The following MAP2K5 variants were observed in gnomAD, a reference collection of about 807,000 sequenced individuals.
MAP2K5 encodes dual specificity mitogen-activated protein kinase kinase 5.
MAP2K5 carries 49 observed loss-of-function variants against 83.1 expected under a neutral mutation model. The ratio of observed to expected loss-of-function variants is 0.59; its 90% CI spans 0.47 to 0.75. The LOEUF is 0.75. Ranked by LOEUF, MAP2K5 falls within the 30% of genes least tolerant of loss-of-function variation. The pLI is 0.00. For synonymous variants in MAP2K5, 202 were observed against 191.8 expected (o/e 1.05, Z -0.44); for missense variants, 457 against 557.5 (o/e 0.82, Z 1.82).
intron 21 of MAP2K5, among the ~76,000 whole-genome samples, chr15:67,804,473 G>A (rs1038674985): frequency 1.2e-4 from 19 of 152,210 alleles, no homozygotes; most frequent in Non-Finnish European, 1.5e-4. Flanking sequence ...AGGAGAGGCC[G>A]GCATCTCCAC....
rs1218134631 is a variant in MAP2K5, at chr15:67,750,847, C to T, written c.1134+2246C>T. ...TACTGCTTGGGAGTGGGATTTACCCCGTTGTGAAGTGGGTATCTGTTGCTA... is the reference window on the plus strand; with the variant it reads ...TACTGCTTGGGAGTGGGATTTACCCTGTTGTGAAGTGGGTATCTGTTGCTA... On this transcript the variant is annotated intron_variant, in intron 19 of 21. Transcript: ENST00000178640. The surrounding 1 kb of genome is among the most constrained non-coding windows in gnomAD (Gnocchi z 4.2). Among the ~76,000 whole-genome samples, 1 of 151,840 alleles carries T rather than the reference C, an allele frequency of 6.6e-6. No homozygotes were observed. The highest frequency in any genetic ancestry group is 1.5e-5 in the Non-Finnish European group (1 of 67,968).
intron 19 of MAP2K5, among the ~76,000 whole-genome samples, chr15:67,751,676 C>T (rs73427943): frequency 0.14 from 20,743 of 152,184 alleles, 1,472 homozygotes; most frequent in South Asian, 0.16. Context: ...AGCCTGTTGA[C>T]GGAGTGTGGT....
At chr15:67,617,880 A>T (rs1173081432) in intron 8 of MAP2K5, among the ~76,000 whole-genome samples, 2 of 151,984 alleles carry the variant, frequency 1.3e-5, no homozygotes, top group African/African-American at 4.8e-5. Context: ...TTTTGTTGAG[A>T]TGAGGTATCA....
rs2087689518 is a variant in MAP2K5 at position 67,676,596 on chromosome 15, A to G, written c.847+11951A>G. Among the ~76,000 whole-genome samples the G allele has an allele frequency of 6.6e-6, 1 of 152,194 alleles. No homozygotes were observed. Among genetic ancestry groups the G allele is most frequent in the Non-Finnish European group, 1.5e-5 (1 of 68,030 alleles). ...AGATTAAGTTCCTTCTGGATTGGGT[A>G]CAATCATAATGATAACAATATTAAT... On this transcript the variant is annotated intron_variant, in intron 13 of 21. Transcript: ENST00000178640. The surrounding 1 kb of genome is among the most constrained non-coding windows in gnomAD (Gnocchi z 4.8).
At position 67,676,679 on chromosome 15, in the gene MAP2K5, G is replaced by A. The variant is rs961965963; in HGVS notation, c.847+12034G>A. ...TATGTGCTACAGTGTTAGCTCTCTT[G>A]TATGTATAATTTTATTTAATTGTTA... On this transcript the variant is annotated intron_variant, in intron 13 of 21. Coordinates refer to ENST00000178640, the MANE Select transcript of MAP2K5 (RefSeq NM_145160.3). The surrounding 1 kb of genome is among the most constrained non-coding windows in gnomAD (Gnocchi z 4.8). 1.2e-4 allele frequency among the ~76,000 whole-genome samples: 19 copies of A among 152,154 alleles called. No individual in the cohort carries two copies. Among genetic ancestry groups the A allele is most frequent in the African/African-American group, 4.3e-4 (18 of 41,446 alleles).
At chr15:67,762,366 C>A (rs1190154414) in intron 19 of MAP2K5, among the ~76,000 whole-genome samples, 1 of 151,896 alleles carries the variant, frequency 6.6e-6, no homozygotes, top group Admixed American at 6.6e-5. Context: ...TGGCTGATGA[C>A]CAACAAGAGA....
At chr15:67,621,741 G>A (rs931116043) in intron 8 of MAP2K5, among the ~76,000 whole-genome samples, 2 of 152,132 alleles carry the variant, frequency 1.3e-5, no homozygotes, top group South Asian at 2.1e-4. Context: ...ATGATTATTT[G>A]TAAAATGTGC....
At chr15:67,671,986 A>T (rs2141168101) in intron 13 of MAP2K5, among the ~76,000 whole-genome samples, 1 of 152,108 alleles carries the variant, frequency 6.6e-6, no homozygotes, top group African/African-American at 2.4e-5. Context: ...TACAAAGGAC[A>T]TGAACTCATC....
At position 67,725,091 on chromosome 15, in the gene MAP2K5, G is replaced by C. The variant is rs1046387167; in HGVS notation, c.1045-2825G>C. 3.3e-5 allele frequency among the ~76,000 whole-genome samples: 5 copies of C among 152,214 alleles called. No individual in the cohort carries two copies. In the East Asian group the frequency reaches 7.7e-4, roughly 23 times the overall value. On this transcript the variant is annotated intron_variant, in intron 16 of 21. Coordinates refer to ENST00000178640, the MANE Select transcript of MAP2K5 (RefSeq NM_145160.3). ...TGAAAGCAAAGCCAGACCCATGAATGATGAGTTCACCAGTTCAAGCACTGG... is the reference window on the plus strand; with the variant it reads ...TGAAAGCAAAGCCAGACCCATGAATCATGAGTTCACCAGTTCAAGCACTGG...
At position 67,636,402 on chromosome 15, in the gene MAP2K5, C is replaced by G. The variant is rs1216306457; in HGVS notation, c.585+5475C>G. 6.8e-6 allele frequency among the ~76,000 whole-genome samples: 1 copy of G among 147,964 alleles called. No homozygotes were observed. Among genetic ancestry groups the G allele is most frequent in the African/African-American group, 2.5e-5 (1 of 40,148 alleles). ...CAGCCTGGGCAACAGAATAAGACTC[C>G]GTCTCAAAAAAAAAAAAAAAGTATG... On this transcript the variant is annotated intron_variant, in intron 9 of 21. Transcript: ENST00000178640. This position sits in a 1 kb window ranked among gnomAD's most constrained non-coding sequence, Gnocchi z 4.7.
chr15:67,601,276 A>G (rs1190651845), intron 8 of MAP2K5, among the ~76,000 whole-genome samples: 1 of 152,180 alleles, frequency 6.6e-6, no homozygotes, highest in Non-Finnish European at 1.5e-5. Flanking sequence ...AGTTCTCCCA[A>G]ATTCCAGTTG....
At position 67,719,457 on chromosome 15, in the gene MAP2K5, A is replaced by G. The variant is rs917829718; in HGVS notation, c.1045-8459A>G. Among the ~76,000 whole-genome samples, 1 of 152,216 alleles carries G rather than the reference A, an allele frequency of 6.6e-6. No homozygotes were observed. The highest frequency in any genetic ancestry group is 1.5e-5 in the Non-Finnish European group (1 of 68,036). On this transcript the variant is annotated intron_variant, in intron 16 of 21. Transcript: ENST00000178640. The surrounding 1 kb of genome is among the most constrained non-coding windows in gnomAD (Gnocchi z 4.6). ...CTATTTCTGATGTCATGGAGAACAT[A>G]AAAGTTTATGATTTATACTTTGCCC...
chr15:67,655,890 T>C (rs1253809683), intron 11 of MAP2K5, among the ~76,000 whole-genome samples: 1 of 152,224 alleles, frequency 6.6e-6, no homozygotes, highest in Admixed American at 6.5e-5. Flanking sequence ...TCTCCGAGAA[T>C]GTGTTCATTT....
chr15:67,804,484 C>T (rs958185504), intron 21 of MAP2K5, among the ~76,000 whole-genome samples: 1 of 152,344 alleles, frequency 6.6e-6, no homozygotes, highest in Admixed American at 6.5e-5. Context: ...GCATCTCCAC[C>T]GGAGCTGAGT....
intron 19 of MAP2K5, among the ~76,000 whole-genome samples, chr15:67,754,138 G>A (rs1003170974): frequency 4.6e-5 from 7 of 152,240 alleles, no homozygotes; most frequent in African/African-American, 1.7e-4. Flanking sequence ...AGGGACTGGA[G>A]GGGAGAAGGG....
intron 13 of MAP2K5, among the ~76,000 whole-genome samples, chr15:67,673,444 A>G (rs989242847): frequency 6.6e-6 from 1 of 152,192 alleles, no homozygotes; most frequent in Non-Finnish European, 1.5e-5. Context: ...TTTGTATTAT[A>G]TTCCAAAATT....
At chr15:67,649,546 T>G (rs545240426) in intron 11 of MAP2K5, among the ~76,000 whole-genome samples, 1 of 152,306 alleles carries the variant, frequency 6.6e-6, no homozygotes, top group South Asian at 2.1e-4. Flanking sequence ...TTCGTTTGCA[T>G]GTAGATATAC....
At chr15:67,669,900 T>C (rs2087484154) in intron 13 of MAP2K5, among the ~76,000 whole-genome samples, 1 of 152,142 alleles carries the variant, frequency 6.6e-6, no homozygotes, top group Non-Finnish European at 1.5e-5. Context: ...GAAAAATAGT[T>C]TGACAATTTC....
rs571340916 is a variant in MAP2K5 at position 67,801,845 on chromosome 15, T to G, written c.1243-4801T>G. The stretch of plus-strand genomic sequence containing the variant: ...CCCTGCAGCCACACCAGCAAGTTAT[T>G]AAATTATTCAAATGCATTATATTCT... On this transcript the variant is annotated intron_variant, in intron 21 of 21. Transcript: ENST00000178640. This position sits in a 1 kb window ranked among gnomAD's most constrained non-coding sequence, Gnocchi z 4.8. Among the ~76,000 whole-genome samples, 2 of 152,316 alleles carry G rather than the reference T, an allele frequency of 1.3e-5. No homozygotes were observed. Among genetic ancestry groups the G allele is most frequent in the South Asian group, 4.1e-4 (2 of 4,832 alleles).
Sources: gnomAD v4.1 joint callset for allele counts (sites outside exome capture counted in the v4.1 genomes callset) on GRCh38, gnomAD v4.1.1 for gene constraint, Gnocchi (gnomAD v3.1) non-coding constraint, MANE v1.5 for transcripts, NCBI Gene and HGNC (gene_info 2026-07-23, HGNC 2026-07-21) for gene names.